GTPBP6: variants seen among roughly 807,000 people sequenced by gnomAD.
GTPBP6 encodes the protein putative GTP-binding protein 6.
Under a neutral mutation model 28.9 loss-of-function variants are expected in GTPBP6, and 33 were observed. That is an observed-to-expected ratio of 1.14 (90% CI 0.87 to 1.53). The LOEUF is 1.53. GTPBP6 is among the 40% of genes most tolerant of loss of function. The pLI is 0.00. For synonymous variants in GTPBP6, 231 were observed against 192.7 expected, an observed-to-expected ratio of 1.20 and a Z score of -1.65; for missense variants, 507 against 408.3, an observed-to-expected ratio of 1.24 and a Z score of -2.08.
chrX:313,586 G>C (rs757889446), intron 5 of GTPBP6, among the ~76,000 whole-genome samples: 1 of 152,196 alleles, frequency 6.6e-6, no homozygotes, highest in Admixed American at 6.5e-5. Context: ...TAAGGTGTTT[G>C]TCATAACTGA....
At chrX:313,886 T>C (rs2070367409) in intron 5 of GTPBP6, among the ~76,000 whole-genome samples, 1 of 151,656 alleles carries the variant, frequency 6.6e-6, no homozygotes, top group South Asian at 2.1e-4. Flanking sequence ...ATCCCCAGTT[T>C]GTGGCTACTG....
chrX:305,377 A>G (rs111821257), intron 9 of GTPBP6, among the ~76,000 whole-genome samples, 180 bp from the exon 10 acceptor site: 3,691 of 145,550 alleles, frequency 0.025, 150 homozygotes, highest in African/African-American at 0.092. Flanking sequence ...GCTGGAGTGC[A>G]GTGGCGCGAT....
At chrX:307,555 C>A (rs57181772) in intron 8 of GTPBP6, 43 bp from the exon 9 acceptor site, 2 of 1,596,836 alleles carry the variant, frequency 1.3e-6, no homozygotes, top group African/African-American at 2.7e-5. Flanking sequence ...AGCGTCGGGG[C>A]GGCCGGACGA....
intron 5 of GTPBP6, among the ~76,000 whole-genome samples, chrX:313,732 C>T (rs9646386): frequency 0.45 from 67,877 of 151,000 alleles, 15,719 homozygotes; most frequent in Non-Finnish European, 0.51. Flanking sequence ...ACTGGAGTGA[C>T]GCGGCCACAA....
intron 9 of GTPBP6, among the ~76,000 whole-genome samples, chrX:306,183 G>A (rs1001171690): frequency 6.6e-6 from 1 of 152,180 alleles, no homozygotes; most frequent in African/African-American, 2.4e-5. Context: ...TTAGGCACCT[G>A]TTGTATGCAG....
At position 313,176 on chromosome X, in the gene GTPBP6, A is replaced by G. The variant is rs779940934; in HGVS notation, c.758-252T>C. Among the ~76,000 whole-genome samples, 124 of 152,338 alleles carry G rather than the reference A, an allele frequency of 8.1e-4. 1 individual carries two copies. The highest frequency in any genetic ancestry group is 2.9e-3 in the African/African-American group (119 of 41,586). ...AGGGCTTCCCGTGACTCGGGGAGAA[A>G]GTAAAGGCCAGATCACTACGGAGGC... On this transcript the variant is annotated intron_variant, in intron 5 of 9. Coordinates refer to ENST00000326153, the Ensembl canonical transcript of GTPBP6.
intron 7 of GTPBP6, among the ~76,000 whole-genome samples, chrX:310,191 T>C (rs2070255812): frequency 6.7e-6 from 1 of 150,184 alleles, no homozygotes; most frequent in African/African-American, 2.5e-5. Flanking sequence ...TCTCTGCAGA[T>C]GTGATTAAGT....
chrX:311,684 G>C, intron 6 of GTPBP6, 57 bp from the exon 7 acceptor site: 1 of 1,383,970 alleles, frequency 7.2e-7, no homozygotes, highest in Non-Finnish European at 1.0e-6. Flanking sequence ...AACTCCTAGC[G>C]CCGCAGCCAG....
In GTPBP6 at chrX:307,349, A is replaced by G; in HGVS notation, c.1427+11T>C. 6.2e-7 allele frequency: 1 copy of G among 1,611,100 alleles called. No individual in the cohort carries two copies. Among genetic ancestry groups the G allele is most frequent in the Non-Finnish European group, 8.5e-7 (1 of 1,179,306 alleles). On this transcript the variant is annotated intron_variant, in intron 9 of 9. Transcript: ENST00000326153. ...GCACCATCCCGTCTCCTGCCCCTGC[A>G]GGCCGCTCACCTGAGCTGCGCCCCT...
rs990801075 is a variant in GTPBP6, at chrX:311,919, T to G, written c.917-292A>C. ...TGGGAGTGAGGTCGTCTGTGTAGAT[T>G]TGGCAATGGCGTAGATGGTGGGATG... On this transcript the variant is annotated intron_variant, in intron 6 of 9. Coordinates refer to ENST00000326153, the Ensembl canonical transcript of GTPBP6. 5 of 589,542 alleles carry G rather than the reference T, an allele frequency of 8.5e-6. No individual in the cohort carries two copies. In the African/African-American group the frequency reaches 9.4e-5, roughly 11 times the overall value. 36.5% of individuals were successfully genotyped at this position (589,542 alleles called of 1,614,324 possible). A position where few individuals can be genotyped will look rare whatever the true frequency, so the allele number is the denominator to read the frequency against.
chrX:307,357 C>T lies in GTPBP6; in HGVS notation c.1427+3G>A. 2 of 1,611,782 alleles carry T rather than the reference C, an allele frequency of 1.2e-6. No homozygotes were observed. The highest frequency in any genetic ancestry group is 1.1e-5 in the South Asian group (1 of 90,996). The stretch of plus-strand genomic sequence containing the variant: ...CCGTCTCCTGCCCCTGCAGGCCGCT[C>T]ACCTGAGCTGCGCCCCTGCGAGCCT... On this transcript the variant is annotated splice_donor_region_variant and intron_variant, in intron 9 of 9. Transcript: ENST00000326153.
At chrX:314,304 G>C (rs1421614001) in intron 4 of GTPBP6, 87 bp from the exon 5 acceptor site, 2 of 1,125,262 alleles carry the variant, frequency 1.8e-6, no homozygotes, top group Non-Finnish European at 2.7e-6. Context: ...GGGGCACTGA[G>C]CTGGGCCTCT....
At chrX:314,830 GA>G (rs1330981141) in intron 4 of GTPBP6, 59 bp downstream of exon 4, 1 of 401,218 alleles carries the variant, frequency 2.5e-6, no homozygotes, top group Non-Finnish European at 4.4e-6. Flanking sequence ...GGTGACTACA[GA>G]ACGGAGGGGT....
At chrX:311,596 G>T (rs375499069) in exon 7 of GTPBP6, 8 of 1,612,020 alleles carry the variant, frequency 5.0e-6, no homozygotes, top group African/African-American at 2.7e-5. Context: ...TGGCGGCATC[G>T]CCCGTCAGTG....
At chrX:310,766 C>G (rs758620653) in intron 7 of GTPBP6, among the ~76,000 whole-genome samples, 2 of 151,758 alleles carry the variant, frequency 1.3e-5, no homozygotes, top group Non-Finnish European at 2.9e-5. Flanking sequence ...CTCCCGCTTT[C>G]TGGAACTGTG....
intron 5 of GTPBP6, among the ~76,000 whole-genome samples, chrX:313,869 T>C (rs2070367057): frequency 6.6e-6 from 1 of 151,998 alleles, no homozygotes; most frequent in South Asian, 2.1e-4. Context: ...AGATCTCTGC[T>C]GTTTAAATCC....
At chrX:317,730 CACGG>C (rs1416719920) in intron 1 of GTPBP6, among the ~76,000 whole-genome samples, 2 of 122,188 alleles carry the variant, frequency 1.6e-5, no homozygotes, top group African/African-American at 6.1e-5. Flanking sequence ...CACCCCACCC[CACGG>C]ACCCCACGGG....
At chrX:305,868 C>T (rs1428859787) in intron 9 of GTPBP6, among the ~76,000 whole-genome samples, 5 of 152,160 alleles carry the variant, frequency 3.3e-5, no homozygotes, top group Non-Finnish European at 5.9e-5. Context: ...TTGTGGTCCG[C>T]CCACCTCGGC....
chrX:314,757 T>A (rs1418825734), intron 4 of GTPBP6, 133 bp downstream of exon 4: 1 of 408,772 alleles, frequency 2.4e-6, no homozygotes, highest in Non-Finnish European at 4.3e-6. Context: ...ATGACAGGCG[T>A]GAGCCACCGC....
Sources: allele counts gnomAD v4.1 joint callset (sites outside exome capture counted in the v4.1 genomes callset), GRCh38; gene constraint gnomAD v4.1.1; transcripts MANE v1.5; gene names NCBI Gene and HGNC (gene_info 2026-07-23, HGNC 2026-07-21).